BTRC: variants seen among roughly 807,000 people sequenced by gnomAD.
BTRC encodes the protein F-box/WD repeat-containing protein 1A.
Under a neutral mutation model 85.5 loss-of-function variants are expected in BTRC, and 42 were observed. The observed-to-expected ratio is 0.49, with a 90% CI of 0.38 to 0.64. The LOEUF (loss-of-function observed/expected upper bound fraction) is 0.64, where lower values mean the gene tolerates loss of function less well. BTRC is among the 30% of genes least tolerant of loss of function. The pLI, the probability that BTRC is intolerant of heterozygous loss-of-function variation, is 0.00. For synonymous variants in BTRC, 255 were observed against 263.3 expected (o/e 0.97, Z 0.30); for missense variants, 594 against 743.5 (o/e 0.80, Z 2.34).
intron 1 of BTRC, among the ~76,000 whole-genome samples, chr10:101,422,477 A>T (rs1944129403): frequency 1.3e-5 from 2 of 152,038 alleles, no homozygotes; most frequent in South Asian, 4.1e-4. Flanking sequence ...GTTTAATTAG[A>T]TCCCATTTGT....
At chr10:101,472,864 G>T (rs1397895272) in intron 3 of BTRC, among the ~76,000 whole-genome samples, 1 of 151,672 alleles carries the variant, frequency 6.6e-6, no homozygotes, top group Non-Finnish European at 1.5e-5. Context: ...CTTTTTCCTT[G>T]GCTCCGTTCA....
intron 2 of BTRC, among the ~76,000 whole-genome samples, chr10:101,446,110 A>AC (rs1178565368): frequency 9.0e-5 from 4 of 44,516 alleles, no homozygotes; most frequent in South Asian, 1.1e-3. Context: ...TTCCCCCCCC[A>AC]CCCCCCCAAC....
chr10:101,384,831 C>T (rs1223806081), intron 1 of BTRC, among the ~76,000 whole-genome samples: 3 of 151,462 alleles, frequency 2.0e-5, no homozygotes, highest in Admixed American at 6.6e-5. Flanking sequence ...ATAGGAAGAT[C>T]AACTGAGGAC....
At chr10:101,363,432 A>G (rs1942269247) in intron 1 of BTRC, among the ~76,000 whole-genome samples, 1 of 152,098 alleles carries the variant, frequency 6.6e-6, no homozygotes, top group African/African-American at 2.4e-5. Flanking sequence ...AATTTAAGGG[A>G]GGGGAAGTTC....
At chr10:101,387,417 A>G (rs894492142) in intron 1 of BTRC, among the ~76,000 whole-genome samples, 2 of 149,332 alleles carry the variant, frequency 1.3e-5, no homozygotes, top group African/African-American at 5.0e-5. Context: ...ACTAGGACTT[A>G]TTCCTCCTAT....
At chr10:101,371,320 A>G (rs1942629633) in intron 1 of BTRC, among the ~76,000 whole-genome samples, 1 of 152,276 alleles carries the variant, frequency 6.6e-6, no homozygotes, top group African/African-American at 2.4e-5. Context: ...CTGGGACTAC[A>G]GGTGTGTGCC....
At chr10:101,533,197 C>A in intron 9 of BTRC, 127 bp downstream of exon 9, 1 of 594,530 alleles carries the variant, frequency 1.7e-6, no homozygotes, top group Non-Finnish European at 2.9e-6. Flanking sequence ...ACCAGGTCCC[C>A]ATCATTTCTG....
At chr10:101,360,244 A>G (rs10883624) in intron 1 of BTRC, among the ~76,000 whole-genome samples, 54,380 of 151,772 alleles carry the variant, frequency 0.36, 10,917 homozygotes, top group Middle Eastern at 0.48. Flanking sequence ...TAGTAGAGAC[A>G]GGGTTTCACC....
At chr10:101,428,830 A>G (rs774900731) in intron 1 of BTRC, among the ~76,000 whole-genome samples, 1 of 152,200 alleles carries the variant, frequency 6.6e-6, no homozygotes, top group Non-Finnish European at 1.5e-5. Context: ...CCCATTATCT[A>G]TCTATCTTTA....
In BTRC at chr10:101,556,493, A is replaced by G. The variant is rs779664856; in HGVS notation, c.*3370A>G. 1.3e-5 allele frequency: 2 copies of G among 152,276 alleles called. No homozygotes were observed. The highest frequency in any genetic ancestry group is 2.9e-5 in the Non-Finnish European group (2 of 68,090). The allele number at this position is 152,276 out of a possible 1,614,324, so 9.4% of individuals were successfully genotyped here. A position where few individuals can be genotyped will look rare whatever the true frequency, so the allele number is the denominator to read the frequency against. On this transcript the variant is annotated 3_prime_UTR_variant, in exon 15 of 15. Coordinates refer to ENST00000370187, the MANE Select transcript of BTRC (RefSeq NM_033637.4). ...AACACCCTCCAGTCTGTAGCAGAGC[A>G]GTCCAACCCAGATTAGTGCAGCCCG...
At chr10:101,456,088 T>G (rs1470561466) in intron 2 of BTRC, among the ~76,000 whole-genome samples, 1 of 151,188 alleles carries the variant, frequency 6.6e-6, no homozygotes, top group African/African-American at 2.4e-5. Context: ...GGAGAATCAC[T>G]TGAACCCAGG....
At chr10:101,545,209 A>G (rs1283747880) in intron 13 of BTRC, among the ~76,000 whole-genome samples, 3 of 151,942 alleles carry the variant, frequency 2.0e-5, no homozygotes, top group African/African-American at 4.8e-5. Flanking sequence ...TTTTCTCTTT[A>G]TCATTAGTTT....
intron 1 of BTRC, among the ~76,000 whole-genome samples, chr10:101,389,119 GTTTTT>G (rs1188561028): frequency 7.5e-4 from 31 of 41,542 alleles, no homozygotes; most frequent in East Asian, 1.0e-3. Flanking sequence ...TTTTGTGTGT[GTTTTT>G]TTTTTTTTTT....
intron 3 of BTRC, 71 bp from the exon 4 acceptor site, chr10:101,479,297 A>T: frequency 8.8e-7 from 1 of 1,133,884 alleles, no homozygotes; most frequent in Middle Eastern, 2.0e-4. Context: ...GAAATAGAGC[A>T]GAATTTGAAA....
intron 4 of BTRC, among the ~76,000 whole-genome samples, chr10:101,502,631 A>T (rs1346949798): frequency 6.6e-6 from 1 of 152,178 alleles, no homozygotes; most frequent in Non-Finnish European, 1.5e-5. Context: ...CAATATAGTG[A>T]TAGTAGCATC....
At chr10:101,514,926 AAGGGTTTTGTGGTTTTTT>A (rs1344935574) in intron 4 of BTRC, among the ~76,000 whole-genome samples, 1 of 152,022 alleles carries the variant, frequency 6.6e-6, no homozygotes, top group Non-Finnish European at 1.5e-5. Context: ...TCTTTTTTCA[AAGGGTTTTGTGGTTTTTT>A]AGGGTTTTGT....
intron 4 of BTRC, among the ~76,000 whole-genome samples, chr10:101,488,996 C>T (rs371060165): frequency 6.6e-6 from 1 of 152,066 alleles, no homozygotes; most frequent in Admixed American, 6.6e-5. Flanking sequence ...TTTACAGAAA[C>T]TTAAGTCTCT....
At chr10:101,551,434 T>G (rs951120412) in intron 14 of BTRC, among the ~76,000 whole-genome samples, 9 of 152,198 alleles carry the variant, frequency 5.9e-5, no homozygotes, top group Non-Finnish European at 1.2e-4. Flanking sequence ...GGACCTGTCT[T>G]TTGACCTCTG....
At chr10:101,427,113 C>CTTTTTTTTT (rs138285266) in intron 1 of BTRC, among the ~76,000 whole-genome samples, 3 of 109,364 alleles carry the variant, frequency 2.7e-5, no homozygotes, top group Non-Finnish European at 3.6e-5. Context: ...TTTTTTCTTT[C>CTTTTTTTTT]TTTTTTTTTT....
Sources: gnomAD v4.1 joint callset for allele counts (sites outside exome capture counted in the v4.1 genomes callset) on GRCh38, gnomAD v4.1.1 for gene constraint, MANE v1.5 for transcripts, NCBI Gene and HGNC (gene_info 2026-07-23, HGNC 2026-07-21) for gene names.